COL4A6: variants seen among roughly 807,000 people sequenced by gnomAD.
COL4A6 encodes the protein collagen alpha-6(IV) chain.
In COL4A6, 59 loss-of-function variants were observed where a neutral mutation model predicts 126.7. The ratio of observed to expected loss-of-function variants is 0.47; its 90% CI spans 0.38 to 0.58. COL4A6 has a LOEUF of 0.58. Among genes scored for constraint, COL4A6 ranks in the 20% least tolerant of loss-of-function variants. The pLI is 0.00. For missense variants in COL4A6, 1,285 were observed against 1,337.3 expected (o/e 0.96, Z 0.61); for synonymous variants, 547 against 496.6 (o/e 1.10, Z -1.35).
In COL4A6 at chrX:108,204,394, C is replaced by T; in HGVS notation, c.706G>A (p.Gly236Ser). The change falls in exon 12 of 45, where the codon GGC (glycine) becomes AGC (serine). Residue 236 changes from glycine to serine, a missense_variant. Physicochemically the swap from Gly to Ser is moderately conservative, Grantham distance 56. Coordinates refer to ENST00000334504, the MANE Select transcript of COL4A6 (RefSeq NM_033641.4). ...GTAGATGGTGGAGGTCCTGCTGGGC[C>T]AGGGAGGCCAACATCCCCCTGTAAG... ...KGVKGDVGLP[G>S]PAGPPPSTGE... The T allele has an allele frequency of 8.3e-7, 1 of 1,204,626 alleles. No individual in the cohort carries two copies. The highest frequency in any genetic ancestry group is 1.7e-5 in the African/African-American group (1 of 57,705).
intron 2 of COL4A6, among the ~76,000 whole-genome samples, chrX:108,377,942 A>C (rs1303744707): frequency 1.4e-5 from 1 of 72,581 alleles, no homozygotes; most frequent in Admixed American, 1.4e-4. Flanking sequence ...ACTCCGTCTC[A>C]AAAAAAAAAA....
chrX:108,170,966 T>C, intron 33 of COL4A6, 49 bp from the exon 34 acceptor site: 1 of 1,039,930 alleles, frequency 9.6e-7, no homozygotes, highest in Non-Finnish European at 1.3e-6. Flanking sequence ...TTTCTAGCAG[T>C]GTATTCCTCT....
intron 2 of COL4A6, among the ~76,000 whole-genome samples, chrX:108,400,208 A>C (rs927667036): frequency 3.6e-5 from 4 of 111,291 alleles, no homozygotes; most frequent in Non-Finnish European, 5.7e-5. Flanking sequence ...ACCCCCAGGA[A>C]ATAGAAGTCT....
At chrX:108,355,479 G>C (rs1222270327) in intron 2 of COL4A6, among the ~76,000 whole-genome samples, 1 of 112,318 alleles carries the variant, frequency 8.9e-6, no homozygotes, top group African/African-American at 3.2e-5. Context: ...ATGCTATTTG[G>C]TACAGTGGTG....
chrX:108,282,404 C>T (rs2037865465), intron 3 of COL4A6, among the ~76,000 whole-genome samples: 1 of 111,122 alleles, frequency 9.0e-6, no homozygotes, highest in African/African-American at 3.3e-5. Flanking sequence ...AAGTGCTCTT[C>T]ATCACTGGCC....
chrX:108,419,431 T>G (rs369666039), intron 2 of COL4A6, among the ~76,000 whole-genome samples: 25 of 112,020 alleles, frequency 2.2e-4, no homozygotes, highest in African/African-American at 8.1e-4. Context: ...CCCAGGAATC[T>G]GATTTTACTA....
intron 37 of COL4A6, among the ~76,000 whole-genome samples, chrX:108,165,998 G>T (rs948243729): frequency 1.8e-5 from 2 of 112,426 alleles, no homozygotes; most frequent in Non-Finnish European, 3.8e-5. Flanking sequence ...GTCTTCTAGG[G>T]CTATCTTCTG....
chrX:108,303,338 A>G (rs1255997586), intron 3 of COL4A6, among the ~76,000 whole-genome samples: 4 of 111,087 alleles, frequency 3.6e-5, no homozygotes, highest in Non-Finnish European at 7.5e-5. Context: ...GAGGAAAGGA[A>G]GAACAAGAAG....
intron 4 of COL4A6, among the ~76,000 whole-genome samples, chrX:108,220,610 T>A (rs1277025899): frequency 8.9e-6 from 1 of 112,508 alleles, no homozygotes; most frequent in Non-Finnish European, 1.9e-5. Flanking sequence ...TTCTTCCCTG[T>A]ATCCTTGCTT....
chrX:108,348,200 A>T (rs193032269), intron 2 of COL4A6, among the ~76,000 whole-genome samples: 8 of 112,371 alleles, frequency 7.1e-5, no homozygotes, highest in African/African-American at 1.9e-4. Context: ...CCCCATTAGC[A>T]GTATTATCTT....
At chrX:108,324,642 T>G (rs933990474) in intron 2 of COL4A6, among the ~76,000 whole-genome samples, 1 of 112,344 alleles carries the variant, frequency 8.9e-6, no homozygotes, top group Non-Finnish European at 1.9e-5. Flanking sequence ...GGGATATACT[T>G]ATACTTAAGA....
At chrX:108,347,829 G>C (rs1446310527) in intron 2 of COL4A6, among the ~76,000 whole-genome samples, 1 of 109,930 alleles carries the variant, frequency 9.1e-6, no homozygotes, top group Non-Finnish European at 1.9e-5. Flanking sequence ...CAGGACACCA[G>C]ATCAGACTGT....
intron 3 of COL4A6, among the ~76,000 whole-genome samples, chrX:108,247,604 T>A: frequency 9.1e-6 from 1 of 109,830 alleles, no homozygotes; most frequent in South Asian, 4.1e-4. Context: ...CCCTTCTCCC[T>A]TCATCCACTA....
chrX:108,283,522 G>C (rs764724192), intron 3 of COL4A6, among the ~76,000 whole-genome samples: 1 of 111,232 alleles, frequency 9.0e-6, no homozygotes, highest in Admixed American at 9.6e-5. Flanking sequence ...GTTTGCCTTA[G>C]AGCATCTGTA....
intron 11 of COL4A6, among the ~76,000 whole-genome samples, chrX:108,204,790 G>T (rs1160902555): frequency 8.9e-6 from 1 of 111,806 alleles, no homozygotes; most frequent in African/African-American, 3.2e-5. Flanking sequence ...CAGAGGCAAT[G>T]ATGTTCATGT....
chrX:108,416,076 T>G (rs777252065), intron 2 of COL4A6, among the ~76,000 whole-genome samples: 2 of 112,017 alleles, frequency 1.8e-5, no homozygotes, highest in African/African-American at 6.5e-5. Flanking sequence ...TTGTATATTC[T>G]TTCCCATTCA....
At chrX:108,163,098 C>T in intron 40 of COL4A6, 60 bp from the exon 41 acceptor site, 1 of 1,063,399 alleles carries the variant, frequency 9.4e-7, no homozygotes, top group Non-Finnish European at 1.3e-6. Flanking sequence ...TGACGGGGGC[C>T]CCAGAAGCCT....
chrX:108,402,983 A>G (rs2041121572), intron 2 of COL4A6, among the ~76,000 whole-genome samples: 1 of 111,694 alleles, frequency 9.0e-6, no homozygotes, highest in Non-Finnish European at 1.9e-5. Flanking sequence ...AATATTCTAT[A>G]TCTTTGCTAA....
At chrX:108,265,919 A>AT (rs1173816515) in intron 3 of COL4A6, among the ~76,000 whole-genome samples, 4 of 110,790 alleles carry the variant, frequency 3.6e-5, no homozygotes, top group African/African-American at 1.3e-4. Flanking sequence ...GATGACATAC[A>AT]TAAAAAAAAA....
Sources: gnomAD v4.1 joint callset for allele counts (sites outside exome capture counted in the v4.1 genomes callset) on GRCh38, gnomAD v4.1.1 for gene constraint, MANE v1.5 for transcripts, NCBI Gene and HGNC (gene_info 2026-07-23, HGNC 2026-07-21) for gene names.